INPP5A: variants seen among roughly 807,000 people sequenced by gnomAD.
INPP5A encodes the protein inositol polyphosphate-5-phosphatase A, also known as 43 kDa inositol polyphosphate 5-phophatase.
Under a neutral mutation model 65.2 loss-of-function variants are expected in INPP5A, and 14 were observed. The ratio of observed to expected loss-of-function variants is 0.21; its 90% CI spans 0.14 to 0.34. The LOEUF is 0.34. Among genes scored for constraint, INPP5A ranks in the 10% least tolerant of loss-of-function variants. The probability of loss-of-function intolerance (pLI) is 1.00; values close to 1 mark genes in which losing one functional copy is unlikely to be tolerated. For missense variants in INPP5A, 431 were observed against 545.6 expected (o/e 0.79, Z 2.09); for synonymous variants, 207 against 208.3 (o/e 0.99, Z 0.05).
In INPP5A at chr10:132,781,882, A is replaced by C; in HGVS notation, c.1180A>C (p.Ile394Leu). ...GCAGCCCGTGTTCCTGGCCTTCCGA[A>C]TCATGCCCGGGGCAGGTAAACCTCA... ...DHKPVFLAFRIMPGAGKPHAH... is the reference protein window; with the variant it reads ...DHKPVFLAFRLMPGAGKPHAH... The change falls in exon 15 of 16, where the codon ATC becomes CTC. Residue 394 changes from isoleucine to leucine, a missense_variant. Transcript: ENST00000368594. 6.2e-7 allele frequency: 1 copy of C among 1,613,748 alleles called. No homozygotes were observed. Among genetic ancestry groups the C allele is most frequent in the South Asian group, 1.1e-5 (1 of 91,080 alleles).
rs1174343912 is a variant in INPP5A, at chr10:132,741,043, C to T, written c.733-8474C>T. Among the ~76,000 whole-genome samples, 1 of 152,156 alleles carries T rather than the reference C, an allele frequency of 6.6e-6. No homozygotes were observed. The highest frequency in any genetic ancestry group is 2.4e-5 in the African/African-American group (1 of 41,436). On this transcript the variant is annotated intron_variant, in intron 9 of 15. Transcript: ENST00000368594. This position sits in a 1 kb window ranked among gnomAD's most constrained non-coding sequence, Gnocchi z 4.4. ...AGGAATTCAAGACCAGCCTGGGCAA[C>T]ATAGGGAGTCCCCGTCTCTACAGAA...
chr10:132,627,190 A>C lies in INPP5A; in HGVS notation c.118-18678A>C, dbSNP rs139942949. On this transcript the variant is annotated intron_variant, in intron 2 of 15. Coordinates refer to ENST00000368594, the MANE Select transcript of INPP5A (RefSeq NM_005539.5). This position sits in a 1 kb window ranked among gnomAD's most constrained non-coding sequence, Gnocchi z 6.6. ...GCCGGCTTCTTGGCCTCAGACTGACAGCTCCAGAACTGGGAGAAATACGTG... is the reference window on the plus strand; with the variant it reads ...GCCGGCTTCTTGGCCTCAGACTGACCGCTCCAGAACTGGGAGAAATACGTG... Among the ~76,000 whole-genome samples the C allele has an allele frequency of 6.6e-6, 1 of 152,184 alleles. No individual in the cohort carries two copies. The highest frequency in any genetic ancestry group is 2.4e-5 in the African/African-American group (1 of 41,438).
intron 11 of INPP5A, among the ~76,000 whole-genome samples, chr10:132,755,383 TGA>T (rs1043848747): frequency 4.0e-5 from 6 of 149,504 alleles, no homozygotes; most frequent in Non-Finnish European, 7.4e-5. Context: ...GGAGTGTGCG[TGA>T]GAGCAGGTGT....
chr10:132,679,785 C>CCA, intron 4 of INPP5A, among the ~76,000 whole-genome samples: 1 of 152,072 alleles, frequency 6.6e-6, no homozygotes, highest in East Asian at 1.9e-4. Flanking sequence ...GACACACAGA[C>CCA]CATGGAGCAG....
intron 1 of INPP5A, among the ~76,000 whole-genome samples, chr10:132,557,658 G>C (rs368994793): frequency 9.9e-5 from 15 of 152,224 alleles, no homozygotes; most frequent in African/African-American, 3.4e-4. Context: ...GTCAGACTTA[G>C]GGTGTAACCA....
intron 5 of INPP5A, among the ~76,000 whole-genome samples, chr10:132,694,498 G>A (rs1415070159): frequency 1.3e-5 from 2 of 152,116 alleles, no homozygotes; most frequent in Non-Finnish European, 2.9e-5. Context: ...AGGAAGCTAG[G>A]AGAAGAAAAG....
chr10:132,567,266 AAAC>A lies in INPP5A; in HGVS notation c.75+29099_75+29101del, dbSNP rs559066910. On this transcript the variant is annotated intron_variant, in intron 1 of 15. Transcript: ENST00000368594. ...AGGAAGGAAGCACGCAAAAATACCC[AAAC>A]AACCAAAACAAAATAACTCTCTTTT... 9.8e-5 allele frequency among the ~76,000 whole-genome samples: 15 copies of A among 152,338 alleles called. No individual in the cohort carries two copies. In the East Asian group the frequency reaches 2.7e-3, roughly 27 times the overall value.
chr10:132,641,790 G>C (rs2072430084), intron 2 of INPP5A, among the ~76,000 whole-genome samples: 1 of 152,204 alleles, frequency 6.6e-6, no homozygotes, highest in African/African-American at 2.4e-5. Context: ...TTGATAACTT[G>C]GTTTTCAAAG....
At chr10:132,552,206 C>A (rs1476907815) in intron 1 of INPP5A, among the ~76,000 whole-genome samples, 7 of 133,300 alleles carry the variant, frequency 5.3e-5, no homozygotes, top group Non-Finnish European at 6.4e-5. Context: ...GCCTTGGTGG[C>A]ATATTGAGTG....
At chr10:132,591,612 G>A (rs1029883032) in intron 1 of INPP5A, among the ~76,000 whole-genome samples, 5 of 152,224 alleles carry the variant, frequency 3.3e-5, no homozygotes, top group Non-Finnish European at 5.9e-5. Context: ...TTCTCTTCCA[G>A]CAGGCCTTCC....
At chr10:132,748,698 A>G (rs1430831434) in intron 9 of INPP5A, among the ~76,000 whole-genome samples, 1 of 152,250 alleles carries the variant, frequency 6.6e-6, no homozygotes, top group Non-Finnish European at 1.5e-5. Flanking sequence ...CTCCTGGAGC[A>G]GCTCAGCCAT....
At position 132,704,025 on chromosome 10, in the gene INPP5A, G is replaced by A. The variant is rs113560871; in HGVS notation, c.475-4288G>A. On this transcript the variant is annotated intron_variant, in intron 6 of 15. Transcript: ENST00000368594. This position sits in a 1 kb window ranked among gnomAD's most constrained non-coding sequence, Gnocchi z 4.5. ...CACGGCTTCACCCCCCCACACACGCGTGGCTTCACCCCCACACACACGCAG... is the reference window on the plus strand; with the variant it reads ...CACGGCTTCACCCCCCCACACACGCATGGCTTCACCCCCACACACACGCAG... Among the ~76,000 whole-genome samples, 388 of 126,872 alleles carry A rather than the reference G, an allele frequency of 3.1e-3. 1 individual carries two copies. Among genetic ancestry groups the A allele is most frequent in the Non-Finnish European group, 5.0e-3 (299 of 59,506 alleles). 83.2% of individuals were successfully genotyped at this position (126,872 alleles called of 152,430 possible).
chr10:132,601,105 C>T (rs2071771070), intron 1 of INPP5A, among the ~76,000 whole-genome samples: 1 of 152,212 alleles, frequency 6.6e-6, no homozygotes, highest in Non-Finnish European at 1.5e-5. Context: ...ACCAGCAGTG[C>T]ACAAGGGTCC....
At chr10:132,645,785 G>C (rs1354120680) in intron 2 of INPP5A, 83 bp from the exon 3 acceptor site, 1 of 1,063,294 alleles carries the variant, frequency 9.4e-7, no homozygotes, top group African/African-American at 1.6e-5. Flanking sequence ...CTCCCAGGCT[G>C]TGGGGGCGGT....
chr10:132,777,793 G>A lies in INPP5A; in HGVS notation c.1089+11G>A, dbSNP rs1565015533. ...GAGCTGGTGCTGCGGGTGAGTGTGT[G>A]CTGCCCCAGCCCTGGGCACAGAGGG... is the stretch of plus-strand genomic sequence containing the variant. On this transcript the variant is annotated intron_variant, in intron 13 of 15. Transcript: ENST00000368594. The A allele has an allele frequency of 6.2e-7, 1 of 1,612,096 alleles. No individual in the cohort carries two copies. Among genetic ancestry groups the A allele is most frequent in the South Asian group, 1.1e-5 (1 of 90,920 alleles).
intron 11 of INPP5A, among the ~76,000 whole-genome samples, chr10:132,757,956 TG>T (rs1846658482): frequency 7.0e-6 from 1 of 142,460 alleles, no homozygotes. Context: ...CACCATGGCG[TG>T]GGTGCCCGGC....
chr10:132,582,981 T>C (rs2071504175), intron 1 of INPP5A, among the ~76,000 whole-genome samples: 1 of 152,214 alleles, frequency 6.6e-6, no homozygotes. Context: ...CCTGCTGAGC[T>C]TCTGGCTGGT....
At chr10:132,564,898 G>C (rs1158328702) in intron 1 of INPP5A, among the ~76,000 whole-genome samples, 4 of 152,092 alleles carry the variant, frequency 2.6e-5, no homozygotes, top group Non-Finnish European at 4.4e-5. Flanking sequence ...CTGGCCGTGA[G>C]AATTCCACCC....
intron 4 of INPP5A, among the ~76,000 whole-genome samples, chr10:132,669,064 C>T (rs972845912): frequency 1.3e-5 from 2 of 152,086 alleles, no homozygotes; most frequent in African/African-American, 4.8e-5. Flanking sequence ...ACCATTCTGC[C>T]AACATGGTGA....
Sources: allele counts gnomAD v4.1 joint callset (sites outside exome capture counted in the v4.1 genomes callset), GRCh38; gene constraint gnomAD v4.1.1; non-coding constraint Gnocchi (gnomAD v3.1); transcripts MANE v1.5; gene names NCBI Gene and HGNC (gene_info 2026-07-23, HGNC 2026-07-21).